Variants in TSPAN13 observed in about 807,000 individuals in gnomAD.
TSPAN13 encodes the protein tetraspanin 13.
In TSPAN13, 18 loss-of-function variants were observed where a neutral mutation model predicts 26.9. That is an observed-to-expected ratio of 0.67 (90% CI 0.46 to 0.99). The LOEUF is 0.99. Ranked by LOEUF, TSPAN13 falls within the 50% of genes least tolerant of loss-of-function variation. The pLI is 0.00. For missense variants in TSPAN13, 201 were observed against 249.6 expected (o/e 0.81, Z 1.31); for synonymous variants, 116 against 98.4 (o/e 1.18, Z -1.06).
intron 3 of TSPAN13, 142 bp downstream of exon 3, chr7:16,777,264 C>A: frequency 1.6e-6 from 1 of 617,378 alleles, no homozygotes. Flanking sequence ...TCTCTTGTTC[C>A]CTTTGCATTA....
In TSPAN13 at chr7:16,776,348, T is replaced by C. The variant is rs779889537; in HGVS notation, c.201T>C (p.Ala67=). The C allele has an allele frequency of 9.9e-6, 16 of 1,613,434 alleles. No individual in the cohort carries two copies. The Admixed American group carries it at 2.3e-4, about 24-fold the overall frequency. ...FLIALVGLIG[A]VKHHQVLLFF... is the part of the protein sequence containing the mutation. ...TTGCTTTAGTGGGTCTGATTGGAGC[T>C]GTAAAACATCATCAGGTGTTGCTAT... The change falls in exon 2 of 6, where the codon GCT becomes GCC. Residue 67 remains alanine, a synonymous_variant. Transcript: ENST00000262067.
chr7:16,776,453 A>G, intron 2 of TSPAN13, 75 bp downstream of exon 2: 1 of 1,445,398 alleles, frequency 6.9e-7, no homozygotes, highest in Non-Finnish European at 9.4e-7. Context: ...TATTATCACT[A>G]GGAAATTTAT....
chr7:16,762,270 C>A (rs752823689), intron 1 of TSPAN13, among the ~76,000 whole-genome samples: 1 of 152,132 alleles, frequency 6.6e-6, no homozygotes, highest in African/African-American at 2.4e-5. Flanking sequence ...GGGTAATGAG[C>A]AATATCATGT....
chr7:16,771,175 T>TC (rs1285269200), intron 1 of TSPAN13, among the ~76,000 whole-genome samples: 2 of 152,232 alleles, frequency 1.3e-5, no homozygotes, highest in African/African-American at 4.8e-5. Flanking sequence ...CTTTCGATTC[T>TC]CCTTTCATTT....
chr7:16,757,692 T>TC (rs1491495761), intron 1 of TSPAN13, among the ~76,000 whole-genome samples: 5 of 152,222 alleles, frequency 3.3e-5, no homozygotes, highest in Non-Finnish European at 1.5e-5. Flanking sequence ...TTTGTTTCTT[T>TC]CTCTTTTTCG....
chr7:16,781,539 A>G (rs73073514), intron 5 of TSPAN13, among the ~76,000 whole-genome samples: 4,658 of 152,260 alleles, frequency 0.031, 92 homozygotes, highest in Non-Finnish European at 0.038. Flanking sequence ...CTTCCTTTCT[A>G]TCCCTCTCTG....
Position 16,753,827 on chromosome 7 carries a change from G to A in TSPAN13, c.-141G>A. 3.4e-6 allele frequency: 3 copies of A among 885,504 alleles called. No individual in the cohort carries two copies. Among genetic ancestry groups the A allele is most frequent in the South Asian group, 2.9e-5 (2 of 68,676 alleles). 54.9% of individuals were successfully genotyped at this position (885,504 alleles called of 1,614,324 possible). On this transcript the variant is annotated 5_prime_UTR_variant, in exon 1 of 6. Coordinates refer to ENST00000262067, the MANE Select transcript of TSPAN13 (RefSeq NM_014399.4). ...CGCCGCGCGCGCGCCGCGCACTGCA[G>A]CCCCAGGCCCCGGCCCCCCACCCAC...
At chr7:16,779,864 C>T (rs536865950) in intron 5 of TSPAN13, among the ~76,000 whole-genome samples, 18 of 151,298 alleles carry the variant, frequency 1.2e-4, no homozygotes, top group South Asian at 4.2e-4. Flanking sequence ...CTCCGCCTCC[C>T]GGGTTCACGC....
At chr7:16,762,998 C>A (rs1267569076) in intron 1 of TSPAN13, among the ~76,000 whole-genome samples, 1 of 152,124 alleles carries the variant, frequency 6.6e-6, no homozygotes, top group East Asian at 1.9e-4. Context: ...TGAAAATCTC[C>A]TCATCCTTCT....
In TSPAN13 at chr7:16,779,920, C is replaced by A. The variant is rs1472300749; in HGVS notation, c.540+804C>A. Among the ~76,000 whole-genome samples the A allele has an allele frequency of 2.2e-4, 34 of 151,514 alleles. No individual in the cohort carries two copies. In the East Asian group the frequency reaches 5.9e-3, roughly 26 times the overall value. On this transcript the variant is annotated intron_variant, in intron 5 of 5. Transcript: ENST00000262067. ...CTGAGTAGCTGGGACTACAGGCGCCCGCCACCACGCCCAGCTAATTTTTTG... is the reference window on the plus strand; with the variant it reads ...CTGAGTAGCTGGGACTACAGGCGCCAGCCACCACGCCCAGCTAATTTTTTG...
At chr7:16,758,037 G>A (rs1361663043) in intron 1 of TSPAN13, among the ~76,000 whole-genome samples, 1 of 152,064 alleles carries the variant, frequency 6.6e-6, no homozygotes, top group African/African-American at 2.4e-5. Flanking sequence ...GTTTCGCCGT[G>A]TTGGCCAGGC....
At chr7:16,774,299 A>C (rs967319364) in intron 1 of TSPAN13, among the ~76,000 whole-genome samples, 1 of 152,068 alleles carries the variant, frequency 6.6e-6, no homozygotes, top group African/African-American at 2.4e-5. Flanking sequence ...TGTATTTCCT[A>C]TTGGTTCTGT....
At chr7:16,767,631 A>G (rs954948232) in intron 1 of TSPAN13, among the ~76,000 whole-genome samples, 1 of 152,204 alleles carries the variant, frequency 6.6e-6, no homozygotes, top group South Asian at 2.1e-4. Context: ...AATTTGTTAT[A>G]TAAAGTAGCT....
Position 16,783,396 on chromosome 7 carries a change from AT to A in TSPAN13, c.541-12del, listed in dbSNP as rs3840574. ...ATGTTACTTTCTTTTTCTTTACTTT[AT>A]TTTTTTTTCCCCATTCCAGATCCTG... On this transcript the variant is annotated intron_variant, in intron 5 of 5. Coordinates refer to ENST00000262067, the MANE Select transcript of TSPAN13 (RefSeq NM_014399.4). The A allele has an allele frequency of 0.087, 137,894 of 1,585,138 alleles. 6,287 individuals carry two copies. The highest frequency in any genetic ancestry group is 0.13 in the East Asian group (5,944 of 44,538).
chr7:16,762,068 T>A (rs1375425175), intron 1 of TSPAN13, among the ~76,000 whole-genome samples: 1 of 152,120 alleles, frequency 6.6e-6, no homozygotes, highest in Non-Finnish European at 1.5e-5. Context: ...AGAATTTTGG[T>A]ACTAAAAAAA....
chr7:16,760,957 T>A lies in TSPAN13; in HGVS notation c.63+6927T>A, dbSNP rs1323212767. Among the ~76,000 whole-genome samples, 4 of 152,210 alleles carry A rather than the reference T, an allele frequency of 2.6e-5. No individual in the cohort carries two copies. The East Asian group carries it at 7.7e-4, about 29-fold the overall frequency. The stretch of plus-strand genomic sequence containing the variant: ...GCCCTGGCATGTGGTTGGCATTTAG[T>A]TAATTGAATGCAGGAATCAGTACAG... On this transcript the variant is annotated intron_variant, in intron 1 of 5. Transcript: ENST00000262067.
At chr7:16,774,053 C>T (rs974736686) in intron 1 of TSPAN13, among the ~76,000 whole-genome samples, 6 of 152,150 alleles carry the variant, frequency 3.9e-5, no homozygotes, top group African/African-American at 1.4e-4. Context: ...GACTTTAAAT[C>T]CTATTACCTT....
intron 1 of TSPAN13, among the ~76,000 whole-genome samples, chr7:16,775,063 G>C (rs1272351193): frequency 6.6e-6 from 1 of 152,126 alleles, no homozygotes; most frequent in Non-Finnish European, 1.5e-5. Flanking sequence ...AAGTTTATCA[G>C]GCTTTTAAAT....
At chr7:16,760,893 A>C (rs762439225) in intron 1 of TSPAN13, among the ~76,000 whole-genome samples, 2 of 152,176 alleles carry the variant, frequency 1.3e-5, no homozygotes, top group Non-Finnish European at 2.9e-5. Context: ...AATAAAGGCA[A>C]TGTCGCAGTC....
Sources: gnomAD v4.1 joint callset for allele counts (sites outside exome capture counted in the v4.1 genomes callset) on GRCh38, gnomAD v4.1.1 for gene constraint, MANE v1.5 for transcripts, NCBI Gene and HGNC (gene_info 2026-07-23, HGNC 2026-07-21) for gene names.